Variants in TFAM observed in about 807,000 individuals in gnomAD.
TFAM encodes transcription factor A, mitochondrial, also known as mitochondrial transcription factor 1.
TFAM carries 13 observed loss-of-function variants against 30.6 expected under a neutral mutation model. The ratio of observed to expected loss-of-function variants is 0.42; its 90% CI spans 0.28 to 0.67. The LOEUF is 0.67. TFAM is among the 30% of genes least tolerant of loss of function. The probability of loss-of-function intolerance (pLI) is 0.21; values close to 1 mark genes in which losing one functional copy is unlikely to be tolerated. For missense variants in TFAM, 231 were observed against 293.7 expected, an observed-to-expected ratio of 0.79 and a Z score of 1.56; for synonymous variants, 106 against 94.8, an observed-to-expected ratio of 1.12 and a Z score of -0.69.
intron 4 of TFAM, among the ~76,000 whole-genome samples, chr10:58,389,899 A>G (rs1403506490): frequency 6.6e-6 from 1 of 152,200 alleles, no homozygotes; most frequent in Non-Finnish European, 1.5e-5. Context: ...TTCAGAGATC[A>G]AGTGAGAAGT....
At chr10:58,390,720 A>G (rs1271769728) in intron 4 of TFAM, 45 bp from the exon 5 acceptor site, 3 of 1,435,966 alleles carry the variant, frequency 2.1e-6, no homozygotes, top group Non-Finnish European at 2.0e-6. Context: ...ATTAAGTCTC[A>G]TGGAGGTTAA....
intron 3 of TFAM, among the ~76,000 whole-genome samples, 182 bp from the exon 4 acceptor site, chr10:58,388,488 C>G (rs1469750745): frequency 6.6e-6 from 1 of 152,186 alleles, no homozygotes; most frequent in African/African-American, 2.4e-5. Context: ...AAACTCTCAC[C>G]TTGATTAGTA....
intron 5 of TFAM, among the ~76,000 whole-genome samples, chr10:58,392,430 A>G (rs1840613547): frequency 7.7e-6 from 1 of 129,356 alleles, no homozygotes; most frequent in Non-Finnish European, 1.6e-5. Flanking sequence ...CTACATGTAT[A>G]TGCATCTTCT....
chr10:58,393,765 C>T (rs189447301), intron 5 of TFAM, among the ~76,000 whole-genome samples: 155 of 152,048 alleles, frequency 1.0e-3, no homozygotes, highest in African/African-American at 3.6e-3. Context: ...CATGGTGGTG[C>T]ATATCTGTGG....
chr10:58,386,264 G>C lies in TFAM; in HGVS notation c.146G>C (p.Cys49Ser), dbSNP rs1840488533. 6.2e-7 allele frequency: 1 copy of C among 1,613,640 alleles called. No individual in the cohort carries two copies. Among genetic ancestry groups the C allele is most frequent in the African/African-American group, 1.3e-5 (1 of 74,884 alleles). ...PRWFSSVLAS[C>S]PKKPVSSYLR... Reference sequence around the variant, plus strand: ...TGGTTTTCATCTGTCTTGGCAAGTTGTCCAAAGAAACCTGTAAGTTCTTAC... The same window carrying C: ...TGGTTTTCATCTGTCTTGGCAAGTTCTCCAAAGAAACCTGTAAGTTCTTAC... The change falls in exon 2 of 7, where the codon TGT (cysteine) becomes TCT (serine). Residue 49 changes from cysteine to serine, a missense_variant. Physicochemically the swap from Cys to Ser is moderately radical, Grantham distance 112 (BLOSUM62 -1). Transcript: ENST00000487519.
Position 58,398,277 on chromosome 10 carries a change from A to T in TFAM, c.*3203A>T, listed in dbSNP as rs1002780714. The T allele has an allele frequency of 6.6e-6, 1 of 152,190 alleles. No individual in the cohort carries two copies. Among genetic ancestry groups the T allele is most frequent in the Non-Finnish European group, 1.5e-5 (1 of 68,050 alleles). 9.4% of individuals were successfully genotyped at this position (152,190 alleles called of 1,614,324 possible). A position where few individuals can be genotyped will look rare whatever the true frequency, so the allele number is the denominator to read the frequency against. ...CATCCAACAAAGTAGTTGCTGTAGG[A>T]GCTGAGTGTTAGAAGGAAAGATGCT... On this transcript the variant is annotated 3_prime_UTR_variant, in exon 7 of 7. Coordinates refer to ENST00000487519, the MANE Select transcript of TFAM (RefSeq NM_003201.3).
rs1318981090 is a variant in TFAM at position 58,397,341 on chromosome 10, A to G, written c.*2267A>G. The G allele has an allele frequency of 1.3e-5, 2 of 152,164 alleles. No individual in the cohort carries two copies. The highest frequency in any genetic ancestry group is 2.4e-5 in the African/African-American group (1 of 41,436). The allele number at this position is 152,164 out of a possible 1,614,324, so 9.4% of individuals were successfully genotyped here. A position where few individuals can be genotyped will look rare whatever the true frequency, so the allele number is the denominator to read the frequency against. On this transcript the variant is annotated 3_prime_UTR_variant, in exon 7 of 7. Coordinates refer to ENST00000487519, the MANE Select transcript of TFAM (RefSeq NM_003201.3). ...TAACATTAACTACCCGTATTATTTTATACTTAACATTCATATCATACCTTC... is the reference window on the plus strand; with the variant it reads ...TAACATTAACTACCCGTATTATTTTGTACTTAACATTCATATCATACCTTC...
At chr10:58,389,471 T>C (rs978094095) in intron 4 of TFAM, among the ~76,000 whole-genome samples, 3 of 152,184 alleles carry the variant, frequency 2.0e-5, no homozygotes, top group Non-Finnish European at 4.4e-5. Context: ...CCTACACTAT[T>C]ACAAATGATC....
At chr10:58,386,185 C>G in intron 1 of TFAM, 35 bp from the exon 2 acceptor site, 1 of 1,356,042 alleles carries the variant, frequency 7.4e-7, no homozygotes, top group Non-Finnish European at 1.1e-6. Flanking sequence ...AGTTAAACAT[C>G]TGACACTGGT....
intron 4 of TFAM, 130 bp from the exon 5 acceptor site, chr10:58,390,635 T>C (rs1840573559): frequency 1.4e-6 from 1 of 729,386 alleles, no homozygotes; most frequent in Non-Finnish European, 2.3e-6. Flanking sequence ...ATAATCACAC[T>C]ATATAAGAAT....
At chr10:58,389,422 C>T (rs1264996603) in intron 4 of TFAM, among the ~76,000 whole-genome samples, 1 of 151,998 alleles carries the variant, frequency 6.6e-6, no homozygotes, top group Non-Finnish European at 1.5e-5. Flanking sequence ...TTCATAGAGC[C>T]AGTATTAGTT....
chr10:58,389,336 A>ACC (rs560060161), intron 4 of TFAM, among the ~76,000 whole-genome samples: 38 of 152,240 alleles, frequency 2.5e-4, no homozygotes, highest in Admixed American at 2.4e-3. Context: ...AAAACCTCAC[A>ACC]TGGTTCAAAA....
intron 4 of TFAM, 64 bp from the exon 5 acceptor site, chr10:58,390,701 G>C: frequency 8.3e-7 from 1 of 1,203,208 alleles, no homozygotes; most frequent in Non-Finnish European, 1.2e-6. Flanking sequence ...TAAAGTTTCT[G>C]TAGGTAAAAT....
rs781567014 is a variant in TFAM at position 58,395,001 on chromosome 10, T to C, written c.668T>C (p.Ile223Thr). The change falls in exon 7 of 7, where the codon ATT becomes ACT. Residue 223 changes from isoleucine to threonine, a missense_variant. Transcript: ENST00000487519. ...NEMKSWEEQMIEVGRKDLLRR... is the reference protein window; with the variant it reads ...NEMKSWEEQMTEVGRKDLLRR... ...ATGAAGTCTTGGGAAGAACAAATGA[T>C]TGAAGTTGGACGAAAGGATCTTCTA... 4 of 1,613,772 alleles carry C rather than the reference T, an allele frequency of 2.5e-6. No individual in the cohort carries two copies. The highest frequency in any genetic ancestry group is 2.2e-5 in the South Asian group (2 of 91,070).
chr10:58,397,772 T>TGTGC lies in TFAM; in HGVS notation c.*2699_*2700insTGCG, dbSNP rs892797494. 1.3e-5 allele frequency: 2 copies of TGTGC among 150,582 alleles called. No homozygotes were observed. The highest frequency in any genetic ancestry group is 1.9e-4 in the East Asian group (1 of 5,158). 9.3% of individuals were successfully genotyped at this position (150,582 alleles called of 1,614,324 possible). The stretch of plus-strand genomic sequence containing the variant: ...ATTTGTGTGTGTGTGTGTGTGTGTG[T>TGTGC]GCACGTGTGTGTGTTAGAGTCTCAT... On this transcript the variant is annotated 3_prime_UTR_variant, in exon 7 of 7. Coordinates refer to ENST00000487519, the MANE Select transcript of TFAM (RefSeq NM_003201.3).
intron 4 of TFAM, among the ~76,000 whole-genome samples, chr10:58,389,129 A>G (rs544261170): frequency 1.3e-5 from 2 of 152,362 alleles, no homozygotes; most frequent in South Asian, 2.1e-4. Flanking sequence ...AGGAGTATCA[A>G]GAATCTTTGC....
intron 5 of TFAM, among the ~76,000 whole-genome samples, chr10:58,391,972 C>T (rs1255412030): frequency 5.4e-5 from 8 of 147,530 alleles, no homozygotes; most frequent in East Asian, 4.0e-4. Flanking sequence ...TCAAACTCCT[C>T]GGTATTCACC....
chr10:58,394,346 A>C lies in TFAM; in HGVS notation c.538-12A>C. The C allele has an allele frequency of 6.2e-7, 1 of 1,606,212 alleles. No individual in the cohort carries two copies. The highest frequency in any genetic ancestry group is 8.5e-7 in the Non-Finnish European group (1 of 1,173,060). On this transcript the variant is annotated splice_polypyrimidine_tract_variant and intron_variant, in intron 5 of 6. Transcript: ENST00000487519. ...CATATCTACCTTAACTTAAACATATATTGTTTTACAGGAAAAGCTGAAGAC... is the reference window on the plus strand; with the variant it reads ...CATATCTACCTTAACTTAAACATATCTTGTTTTACAGGAAAAGCTGAAGAC...
At chr10:58,394,492 A>C (rs979398969) in intron 6 of TFAM, 78 bp downstream of exon 6, 2 of 1,176,334 alleles carry the variant, frequency 1.7e-6, no homozygotes, top group East Asian at 2.3e-5. Context: ...GGCTTGATTC[A>C]TGTGAAGACA....
Sources: gnomAD v4.1 joint callset for allele counts (sites outside exome capture counted in the v4.1 genomes callset) on GRCh38, gnomAD v4.1.1 for gene constraint, MANE v1.5 for transcripts, NCBI Gene and HGNC (gene_info 2026-07-23, HGNC 2026-07-21) for gene names.